DRC11: variants seen among roughly 807,000 people sequenced by gnomAD.
The protein encoded by DRC11 is IQ and AAA domain-containing protein 1.
the DRC11 span, among the ~76,000 whole-genome samples, chr2:236,471,682 G>A: frequency 5.9e-5 from 9 of 152,150 alleles, no homozygotes; most frequent in Admixed American, 5.9e-4. The surrounding 1 kb of genome is among the most constrained non-coding windows in gnomAD (Gnocchi z 4.6). Context: ...TATGAGCTAG[G>A]CGTTATTACT....
At chr2:236,446,279 G>A in the DRC11 span, among the ~76,000 whole-genome samples, 2 of 152,242 alleles carry the variant, frequency 1.3e-5, no homozygotes, top group Non-Finnish European at 1.5e-5. This position sits in a 1 kb window ranked among gnomAD's most constrained non-coding sequence, Gnocchi z 6.2. Flanking sequence ...CGCTACACGA[G>A]GTGTAAAACC....
At chr2:236,478,378 T>G in the DRC11 span, among the ~76,000 whole-genome samples, 4 of 152,236 alleles carry the variant, frequency 2.6e-5, no homozygotes, top group Non-Finnish European at 5.9e-5. This position sits in a 1 kb window ranked among gnomAD's most constrained non-coding sequence, Gnocchi z 5.9. Context: ...TATTGATTTC[T>G]AGTTTTATTC....
chr2:236,441,343 A>G, the DRC11 span, among the ~76,000 whole-genome samples: 1 of 152,042 alleles, frequency 6.6e-6, no homozygotes, highest in South Asian at 2.1e-4. Flanking sequence ...TCTGATGCAA[A>G]CATCTCTCTT....
At chr2:236,499,033 A>G in the DRC11 span, among the ~76,000 whole-genome samples, 6 of 152,164 alleles carry the variant, frequency 3.9e-5, no homozygotes, top group Admixed American at 3.9e-4. This position sits in a 1 kb window ranked among gnomAD's most constrained non-coding sequence, Gnocchi z 4.7. Context: ...CCCTATGCTA[A>G]GGGGAGGGGG....
At chr2:236,355,473 G>A in the DRC11 span, among the ~76,000 whole-genome samples, 3 of 152,326 alleles carry the variant, frequency 2.0e-5, no homozygotes, top group East Asian at 5.8e-4. Context: ...GCAGTGGAAG[G>A]TGAGCCTGGC....
chr2:236,399,583 C>T, the DRC11 span: 2 of 983,240 alleles, frequency 2.0e-6, no homozygotes, highest in East Asian at 2.4e-5. The surrounding 1 kb of genome is among the most constrained non-coding windows in gnomAD (Gnocchi z 7.0). Context: ...CCATGCCGCG[C>T]AGGCCCAGTC....
the DRC11 span, among the ~76,000 whole-genome samples, chr2:236,320,716 C>T: frequency 6.6e-6 from 1 of 152,110 alleles, no homozygotes; most frequent in Non-Finnish European, 1.5e-5. Context: ...AATTACTGTC[C>T]CCTCCACTTC....
chr2:236,333,361 T>TA, the DRC11 span: 1 of 152,834 alleles, frequency 6.5e-6, no homozygotes, highest in African/African-American at 2.4e-5. This position sits in a 1 kb window ranked among gnomAD's most constrained non-coding sequence, Gnocchi z 6.0. Context: ...GTTGCAGAGT[T>TA]AGAGATCAGA....
the DRC11 span, chr2:236,367,593 A>G: frequency 2.0e-5 from 3 of 152,634 alleles, no homozygotes; most frequent in East Asian, 5.8e-4. The surrounding 1 kb of genome is among the most constrained non-coding windows in gnomAD (Gnocchi z 4.8). Context: ...CAAAGCCATA[A>G]AGAAAAAAAA....
chr2:236,357,181 A>ATCTATATATTATG, the DRC11 span, among the ~76,000 whole-genome samples: 1 of 115,346 alleles, frequency 8.7e-6, no homozygotes, highest in Non-Finnish European at 1.7e-5. Context: ...TATATTATAT[A>ATCTATATATTATG]TATTCATATA....
chr2:236,383,745 T>C, the DRC11 span, among the ~76,000 whole-genome samples: 4 of 152,196 alleles, frequency 2.6e-5, no homozygotes, highest in African/African-American at 7.2e-5. Flanking sequence ...ACATGTGCCA[T>C]GCTGGTGCGC....
chr2:236,378,301 T>G, the DRC11 span, among the ~76,000 whole-genome samples: 3 of 152,228 alleles, frequency 2.0e-5, no homozygotes, highest in Non-Finnish European at 2.9e-5. Flanking sequence ...CTTGAATACT[T>G]ATTTAATATA....
chr2:236,484,268 T>G, the DRC11 span, among the ~76,000 whole-genome samples: 1 of 152,344 alleles, frequency 6.6e-6, no homozygotes, highest in Non-Finnish European at 1.5e-5. Context: ...TATTATTTGA[T>G]GAAGGTACAA....
At chr2:236,449,509 C>T in the DRC11 span, among the ~76,000 whole-genome samples, 4 of 152,232 alleles carry the variant, frequency 2.6e-5, no homozygotes, top group South Asian at 8.3e-4. The surrounding 1 kb of genome is among the most constrained non-coding windows in gnomAD (Gnocchi z 5.1). Context: ...ACCCGAGCCC[C>T]ACAGTCCGGA....
chr2:236,431,536 G>A, the DRC11 span, among the ~76,000 whole-genome samples: 1 of 152,164 alleles, frequency 6.6e-6, no homozygotes, highest in Non-Finnish European at 1.5e-5. The surrounding 1 kb of genome is among the most constrained non-coding windows in gnomAD (Gnocchi z 4.2). Flanking sequence ...GGCAACATGG[G>A]AACTGGTATT....
chr2:236,506,967 C>G, the DRC11 span, among the ~76,000 whole-genome samples: 1 of 152,302 alleles, frequency 6.6e-6, no homozygotes, highest in Middle Eastern at 3.4e-3. The surrounding 1 kb of genome is among the most constrained non-coding windows in gnomAD (Gnocchi z 4.9). Flanking sequence ...GCAATAGCCC[C>G]TAAGGGCTTG....
At chr2:236,418,584 C>A in the DRC11 span, among the ~76,000 whole-genome samples, 1 of 149,242 alleles carries the variant, frequency 6.7e-6, no homozygotes, top group African/African-American at 2.5e-5. Context: ...CCATGAAGAC[C>A]CCCCCAGTTA....
chr2:236,504,885 T>C, the DRC11 span, among the ~76,000 whole-genome samples: 3 of 152,228 alleles, frequency 2.0e-5, no homozygotes, highest in Non-Finnish European at 2.9e-5. The surrounding 1 kb of genome is among the most constrained non-coding windows in gnomAD (Gnocchi z 5.0). Context: ...GTCATGATTG[T>C]AAGTTTCCTA....
the DRC11 span, among the ~76,000 whole-genome samples, chr2:236,446,523 A>G: frequency 6.6e-6 from 1 of 152,300 alleles, no homozygotes; most frequent in Non-Finnish European, 1.5e-5. This position sits in a 1 kb window ranked among gnomAD's most constrained non-coding sequence, Gnocchi z 6.2. Flanking sequence ...GATTCCTCTG[A>G]GCCGCCCTCT....
Sources: allele counts gnomAD v4.1 joint callset (sites outside exome capture counted in the v4.1 genomes callset), GRCh38; gene constraint gnomAD v4.1.1; non-coding constraint Gnocchi (gnomAD v3.1); transcripts MANE v1.5; gene names NCBI Gene and HGNC (gene_info 2026-07-23, HGNC 2026-07-21).